The following PLXNA3 variants were observed in gnomAD, a reference collection of about 807,000 sequenced individuals.
PLXNA3 encodes the protein plexin-A3.
A neutral mutation model predicts 118.8 loss-of-function variants in PLXNA3; 52 were observed. That is an observed-to-expected ratio of 0.44 (90% CI 0.35 to 0.55). The LOEUF (loss-of-function observed/expected upper bound fraction) is 0.55. PLXNA3 is among the 20% of genes least tolerant of loss of function. PLXNA3 has a pLI of 0.01. For missense variants in PLXNA3, 1,660 were observed against 1,730.8 expected (o/e 0.96, Z 0.73); for synonymous variants, 925 against 762.4 (o/e 1.21, Z -3.51).
chrX:154,468,585 A>T (rs782332105), intron 23 of PLXNA3, 26 bp downstream of exon 23: 4 of 1,206,624 alleles, frequency 3.3e-6, no homozygotes, highest in Non-Finnish European at 1.1e-6. Context: ...TATCCAGGCC[A>T]CACCTTTGTC....
chrX:154,465,843 C>A lies in PLXNA3; in HGVS notation c.2528C>A (p.Thr843Lys). ...KGTRCSHPRI[T>K]QIHPLVGPKE... ...ACCCGGTGCAGCCACCCCCGCATCA[C>A]GCAGGTCAGCCTCCCTCACCGCCCC... The change falls in exon 13 of 33, where the codon ACG (threonine) becomes AAG (lysine). Residue 843 changes from threonine to lysine, a missense_variant. By Grantham distance (78) the Thr-to-Lys change is moderately conservative. This residue lies in a region of PLXNA3 where 869 missense variants were observed against 1,078.7 expected (regional missense o/e 0.81). Transcript: ENST00000369682. The A allele has an allele frequency of 8.3e-7, 1 of 1,206,928 alleles. No individual in the cohort carries two copies. Among genetic ancestry groups the A allele is most frequent in the East Asian group, 3.0e-5 (1 of 33,800 alleles).
At chrX:154,462,362 G>C (rs1433300631) in intron 4 of PLXNA3, 52 bp downstream of exon 4, 3 of 891,898 alleles carry the variant, frequency 3.4e-6, no homozygotes, top group Non-Finnish European at 4.4e-6. Context: ...TCAGATATGG[G>C]ACAAGGCTGG....
At chrX:154,465,379 G>T (rs782045553) in intron 11 of PLXNA3, 45 bp from the exon 12 acceptor site, 19 of 1,101,868 alleles carry the variant, frequency 1.7e-5, no homozygotes, top group Non-Finnish European at 2.1e-5. Context: ...TTGGGTAGGG[G>T]TTCTGCACAT....
chrX:154,471,449 T>C, intron 31 of PLXNA3, 39 bp from the exon 32 acceptor site: 1 of 1,180,714 alleles, frequency 8.5e-7, no homozygotes. Context: ...TTCTAGTTTT[T>C]GTGATGTCGC....
At position 154,467,943 on chromosome X, in the gene PLXNA3, G is replaced by A. The variant is rs782248295; in HGVS notation, c.3762G>A (p.Lys1254=). The A allele has an allele frequency of 7.4e-6, 9 of 1,209,249 alleles. No individual in the cohort carries two copies. Among genetic ancestry groups the A allele is most frequent in the Non-Finnish European group, 1.0e-5 (9 of 894,866 alleles). The change falls in exon 21 of 33, where the codon AAG becomes AAA. Residue 1254 remains lysine (K), a synonymous_variant. Transcript: ENST00000369682. Reference sequence around the variant, plus strand: ...CTCAGGACGCGGACCGTACCCTCAAGCGTCTGCAGCTGCAGATGGACAACC... The same window carrying A: ...CTCAGGACGCGGACCGTACCCTCAAACGTCTGCAGCTGCAGATGGACAACC... ...RKTQDADRTL[K]RLQLQMDNLE...
At chrX:154,463,329 G>A in intron 4 of PLXNA3, 62 bp from the exon 5 acceptor site, 21 of 1,203,261 alleles carry the variant, frequency 1.7e-5, no homozygotes, top group Non-Finnish European at 2.2e-5. Context: ...GTCTTTGGCT[G>A]GAGAAGACAG....
rs1316259083 is a variant in PLXNA3 at position 154,468,529 on chromosome X, G to A, written c.4190G>A (p.Ser1397Asn). 3 of 1,209,011 alleles carry A rather than the reference G, an allele frequency of 2.5e-6. No homozygotes were observed. The highest frequency in any genetic ancestry group is 3.4e-6 in the Non-Finnish European group (3 of 894,987). Reference protein sequence around the residue: ...LADLIEKNLESKNHPKLLLRR... With the variant: ...LADLIEKNLENKNHPKLLLRR... ...GACCTCATCGAGAAGAACCTCGAGAGCAAGAACCACCCCAAGCTGCTGCTA... is the reference window on the plus strand; with the variant it reads ...GACCTCATCGAGAAGAACCTCGAGAACAAGAACCACCCCAAGCTGCTGCTA... The change falls in exon 23 of 33, where the codon AGC becomes AAC. Residue 1397 changes from serine (S) to asparagine (N), a missense_variant. Physicochemically the swap from Ser to Asn is conservative, Grantham distance 46. Coordinates refer to ENST00000369682, the MANE Select transcript of PLXNA3 (RefSeq NM_017514.5).
rs782445626 is a variant in PLXNA3, at chrX:154,468,019, G to A, written c.3820+18G>A. ...CAAGGAAGGTGCCTGAGGCGGGGCG[G>A]GATGTGGTGTGGAAGCTGGGGACCT... On this transcript the variant is annotated intron_variant, in intron 21 of 32. Transcript: ENST00000369682. 4.2e-6 allele frequency: 5 copies of A among 1,200,511 alleles called. No homozygotes were observed. The highest frequency in any genetic ancestry group is 5.6e-6 in the Non-Finnish European group (5 of 886,741).
Position 154,471,144 on chromosome X carries a change from G to A in PLXNA3, c.5196G>A (p.Pro1732=), listed in dbSNP as rs782751455. ...TCTGGGTGAATGTGATCAAGAACCC[G>A]CAGTTCGTGTTCGACATCCACAAGA... is the stretch of plus-strand genomic sequence containing the variant. ...LRFWVNVIKN[P]QFVFDIHKNS... is the part of the protein sequence containing the mutation. Residue 1732 remains proline, a synonymous_variant, in exon 31 of 33, where the codon CCG becomes CCA. Transcript: ENST00000369682. 13 of 1,209,163 alleles carry A rather than the reference G, an allele frequency of 1.1e-5. No homozygotes were observed. The highest frequency in any genetic ancestry group is 2.2e-5 in the Admixed American group (1 of 45,816).
At position 154,466,173 on chromosome X, in the gene PLXNA3, C is replaced by T. The variant is rs150094168; in HGVS notation, c.2702C>T (p.Ser901Leu). 1.5e-5 allele frequency: 18 copies of T among 1,209,032 alleles called. No homozygotes were observed. Among genetic ancestry groups the T allele is most frequent in the East Asian group, 3.0e-5 (1 of 33,795 alleles). ...AGGATCGTGTGTGAGATGGAGGAGT[C>T]GCTGGTGCCCAGCCCGCCGCCGGGG... ...AERIVCEMEE[S>L]LVPSPPPGPV... Residue 901 changes from serine to leucine, a missense_variant, in exon 15 of 33, where the codon TCG (serine) becomes TTG (leucine). Physicochemically the swap from Ser to Leu is moderately radical, Grantham distance 145. Transcript: ENST00000369682.
At chrX:154,463,051 C>T (rs2069003980) in intron 4 of PLXNA3, among the ~76,000 whole-genome samples, 1 of 111,098 alleles carries the variant, frequency 9.0e-6, no homozygotes. Flanking sequence ...TCCAATTCAC[C>T]CATTTTAAAG....
rs373930206 is a variant in PLXNA3 at position 154,465,857 on chromosome X, C to A, written c.2532+10C>A. 1.7e-6 allele frequency: 2 copies of A among 1,207,190 alleles called. No individual in the cohort carries two copies. The highest frequency in any genetic ancestry group is 2.2e-6 in the Non-Finnish European group (2 of 893,069). On this transcript the variant is annotated intron_variant, in intron 13 of 32. Coordinates refer to ENST00000369682, the MANE Select transcript of PLXNA3 (RefSeq NM_017514.5). ...CCCCCGCATCACGCAGGTCAGCCTC[C>A]CTCACCGCCCCTGCCCACTGCCAAC... is the stretch of plus-strand genomic sequence containing the variant.
chrX:154,468,599 C>T, intron 23 of PLXNA3, 40 bp downstream of exon 23: 1 of 1,207,621 alleles, frequency 8.3e-7, no homozygotes, highest in Non-Finnish European at 1.1e-6. Context: ...CTTTGTCCTG[C>T]CTGGGCCTGC....
At position 154,460,239 on chromosome X, in the gene PLXNA3, G is replaced by A. The variant is rs202070666; in HGVS notation, c.56G>A (p.Gly19Asp). 402 of 1,208,325 alleles carry A rather than the reference G, an allele frequency of 3.3e-4. 1 individual carries two copies. The highest frequency in any genetic ancestry group is 3.7e-4 in the Non-Finnish European group (334 of 894,256). ...TTCCTTGCCGTGGGGGGGGCCCTGG[G>A]CAACAGGCCCTTCCGTGCCTTCGTG... Reference protein sequence around the residue: ...LLFLAVGGALGNRPFRAFVVT... With the variant: ...LLFLAVGGALDNRPFRAFVVT... Residue 19 changes from glycine (G) to aspartate (D), a missense_variant, in exon 2 of 33, where the codon GGC (glycine) becomes GAC (aspartate). Gly to Asp is a moderately conservative substitution (Grantham distance 94). This residue lies in a region of PLXNA3 where 791 missense variants were observed against 652.1 expected (regional missense o/e 1.21). Coordinates refer to ENST00000369682, the MANE Select transcript of PLXNA3 (RefSeq NM_017514.5).
intron 3 of PLXNA3, 106 bp downstream of exon 3, chrX:154,461,744 T>C: frequency 1.2e-6 from 1 of 822,615 alleles, no homozygotes; most frequent in African/African-American, 2.0e-5. Flanking sequence ...GCCATGGCCC[T>C]GGGAGTGGCA....
intron 26 of PLXNA3, 43 bp from the exon 27 acceptor site, chrX:154,469,336 G>C: frequency 8.6e-7 from 1 of 1,168,477 alleles, no homozygotes; most frequent in Non-Finnish European, 1.2e-6. Flanking sequence ...CCAGGCACTT[G>C]GGGGCTGCCA....
rs1557205905 is a variant in PLXNA3, at chrX:154,464,036, C to T, written c.1633C>T (p.Arg545Trp). ...GAGCAAGTGTGTCCAGGTGCGGGTC[C>T]GGCCCAACAATGTGTCAGTGACGTC... ...ELSKCVQVRV[R>W]PNNVSVTSPG... The change falls in exon 7 of 33, where the codon CGG (arginine) becomes TGG (tryptophan). Residue 545 changes from arginine to tryptophan, a missense_variant. Coordinates refer to ENST00000369682, the MANE Select transcript of PLXNA3 (RefSeq NM_017514.5). The T allele has an allele frequency of 6.6e-6, 8 of 1,209,881 alleles. No homozygotes were observed. The highest frequency in any genetic ancestry group is 3.5e-5 in the South Asian group (2 of 56,704).
At chrX:154,465,349 G>A in intron 11 of PLXNA3, 75 bp from the exon 12 acceptor site, 2 of 1,031,578 alleles carry the variant, frequency 1.9e-6, no homozygotes, top group Non-Finnish European at 2.7e-6. Context: ...CCTGGAGGAG[G>A]GGGGCAGCTG....
At position 154,460,188 on chromosome X, in the gene PLXNA3, C is replaced by T. The variant is rs782218651; in HGVS notation, c.5C>T (p.Pro2Leu). Reference protein sequence around the residue: MPSVCLLLLLFL... With the variant: MLSVCLLLLLFL... ...CCCCAGGCGCGGCTGCCGGCCATGCCCTCTGTCTGCCTCCTCCTGCTGCTC... is the reference window on the plus strand; with the variant it reads ...CCCCAGGCGCGGCTGCCGGCCATGCTCTCTGTCTGCCTCCTCCTGCTGCTC... The change falls in exon 2 of 33, where the codon CCC becomes CTC. Residue 2 changes from proline to leucine, a missense_variant. Coordinates refer to ENST00000369682, the MANE Select transcript of PLXNA3 (RefSeq NM_017514.5). 27 of 1,197,528 alleles carry T rather than the reference C, an allele frequency of 2.3e-5. No homozygotes were observed. Among genetic ancestry groups the T allele is most frequent in the East Asian group, 3.0e-5 (1 of 33,732 alleles).
Sources: allele counts gnomAD v4.1 joint callset (sites outside exome capture counted in the v4.1 genomes callset), GRCh38; gene constraint gnomAD v4.1.1; regional missense constraint gnomAD v4.1.1; transcripts MANE v1.5; gene names NCBI Gene and HGNC (gene_info 2026-07-23, HGNC 2026-07-21).